The following EPSTI1 variants were observed in gnomAD, a reference collection of about 807,000 sequenced individuals.
The protein encoded by EPSTI1 is epithelial stromal interaction 1, also known as epithelial-stromal interaction protein 1.
Under a neutral mutation model 49.9 loss-of-function variants are expected in EPSTI1, and 66 were observed. The observed-to-expected ratio is 1.32, with a 90% CI of 1.08 to 1.62. The LOEUF (loss-of-function observed/expected upper bound fraction) is 1.62. EPSTI1 is among the 40% of genes most tolerant of loss of function. The pLI, the probability that EPSTI1 is intolerant of heterozygous loss-of-function variation, is 0.00. For synonymous variants in EPSTI1, 137 were observed against 130.7 expected (o/e 1.05, Z -0.33); for missense variants, 394 against 365.5 (o/e 1.08, Z -0.64).
intron 8 of EPSTI1, among the ~76,000 whole-genome samples, chr13:42,901,692 A>G (rs2037357011): frequency 1.3e-5 from 2 of 152,068 alleles, no homozygotes; most frequent in African/African-American, 4.8e-5. Flanking sequence ...CTCCACAATC[A>G]TTTTCAATTC....
intron 8 of EPSTI1, among the ~76,000 whole-genome samples, chr13:42,913,599 T>C (rs529798414): frequency 8.3e-4 from 127 of 152,322 alleles, no homozygotes; most frequent in African/African-American, 3.0e-3. Flanking sequence ...GTTAGACCAC[T>C]TTGGGAATAA....
chr13:42,956,495 A>C (rs1027974371), intron 5 of EPSTI1, among the ~76,000 whole-genome samples: 2 of 152,220 alleles, frequency 1.3e-5, no homozygotes, highest in African/African-American at 4.8e-5. Context: ...ATGGGGTCCC[A>C]GCAGGCAGGA....
intron 6 of EPSTI1, among the ~76,000 whole-genome samples, chr13:42,932,939 C>T (rs2038426561): frequency 6.6e-6 from 1 of 152,032 alleles, no homozygotes; most frequent in African/African-American, 2.4e-5. Context: ...TCAAACAAAC[C>T]CAAACTGGGG....
At chr13:42,889,236 G>A (rs1018835676) in intron 10 of EPSTI1, 1 of 1,555,136 alleles carries the variant, frequency 6.4e-7, no homozygotes, top group Non-Finnish European at 8.7e-7. Context: ...AAAACTAATA[G>A]AGAACCCTAG....
intron 9 of EPSTI1, among the ~76,000 whole-genome samples, chr13:42,898,110 C>A (rs1425505707): frequency 6.6e-6 from 1 of 152,178 alleles, no homozygotes; most frequent in Non-Finnish European, 1.5e-5. Context: ...GGTGCAGGTG[C>A]ACTCAAGCTC....
chr13:42,966,766 G>A (rs1472124514), intron 3 of EPSTI1, among the ~76,000 whole-genome samples: 1 of 89,776 alleles, frequency 1.1e-5, no homozygotes, highest in Non-Finnish European at 2.5e-5. Flanking sequence ...CCACCACCCC[G>A]TCTGGGAGGT....
intron 6 of EPSTI1, among the ~76,000 whole-genome samples, chr13:42,946,930 C>G (rs767314281): frequency 3.3e-5 from 5 of 152,162 alleles, no homozygotes; most frequent in Non-Finnish European, 7.4e-5. Flanking sequence ...CCAAAACCAT[C>G]CCCCTTGCCC....
intron 6 of EPSTI1, among the ~76,000 whole-genome samples, chr13:42,939,432 C>CATTTTAA (rs773575113): frequency 6.6e-6 from 1 of 151,936 alleles, no homozygotes; most frequent in Admixed American, 6.5e-5. Flanking sequence ...AAATGAGAGA[C>CATTTTAA]ATGTGATATT....
chr13:42,986,912 A>G (rs1157013854), intron 1 of EPSTI1, among the ~76,000 whole-genome samples: 1 of 152,104 alleles, frequency 6.6e-6, no homozygotes. Context: ...GGGGTCTTCC[A>G]GGTTGGCGAA....
intron 1 of EPSTI1, among the ~76,000 whole-genome samples, chr13:42,985,365 T>A (rs1373144161): frequency 6.6e-6 from 1 of 152,232 alleles, no homozygotes; most frequent in East Asian, 1.9e-4. Flanking sequence ...GCTAGGCAGA[T>A]GTCCTTGCAG....
At chr13:42,904,447 C>G (rs1273056254) in intron 8 of EPSTI1, among the ~76,000 whole-genome samples, 1 of 152,154 alleles carries the variant, frequency 6.6e-6, no homozygotes, top group African/African-American at 2.4e-5. Context: ...AGAAAACACT[C>G]TGGTATAGCA....
At chr13:42,969,231 C>A in intron 2 of EPSTI1, 54 bp from the exon 3 acceptor site, 1 of 1,546,612 alleles carries the variant, frequency 6.5e-7, no homozygotes, top group Non-Finnish European at 8.9e-7. Context: ...TAAAAGAAAA[C>A]CAGTCCCTTC....
intron 1 of EPSTI1, among the ~76,000 whole-genome samples, chr13:42,987,013 C>T (rs1163236478): frequency 6.6e-6 from 1 of 152,138 alleles, no homozygotes; most frequent in Non-Finnish European, 1.5e-5. Context: ...GCATCTCTTC[C>T]ACTTGACTGA....
rs140126141 is a variant in EPSTI1, at chr13:42,956,124, C to A, written c.490-2103G>T. 4.3e-3 allele frequency among the ~76,000 whole-genome samples: 660 copies of A among 152,174 alleles called. 5 individuals carry two copies. The highest frequency in any genetic ancestry group is 0.015 in the African/African-American group (618 of 41,516). ...CAGTTTGCAAATAACAGTAAGAATG[C>A]AGAAAAAGCACTTATATGGATTGTC... On this transcript the variant is annotated intron_variant, in intron 5 of 10. Transcript: ENST00000313624.
rs1566094979 is a variant in EPSTI1 at position 42,895,070 on chromosome 13, C to G, written c.854G>C (p.Ser285Thr). 6.2e-7 allele frequency: 1 copy of G among 1,613,622 alleles called. No individual in the cohort carries two copies. The highest frequency in any genetic ancestry group is 1.1e-5 in the South Asian group (1 of 90,938). ...AGATTGCTCGAGGCCACCTGGTTGA[C>G]TTTTGCCTTGGAGTCGGTCCAGAAA... ...NAFLDRLQGK[S>T]QPGGLEQSGG... is the part of the protein sequence containing the mutation. Residue 285 changes from serine (S) to threonine (T), a missense_variant, in exon 10 of 11, where the codon AGT (serine) becomes ACT (threonine). Ser to Thr is a moderately conservative substitution (Grantham distance 58). Transcript: ENST00000313624.
chr13:42,923,741 T>C (rs1223688148), intron 7 of EPSTI1, among the ~76,000 whole-genome samples: 1 of 152,180 alleles, frequency 6.6e-6, no homozygotes, highest in Admixed American at 6.5e-5. Context: ...CCTGTAAATA[T>C]CTCTTGTCTG....
chr13:42,962,540 C>G (rs988941415), intron 5 of EPSTI1, among the ~76,000 whole-genome samples: 10 of 150,926 alleles, frequency 6.6e-5, no homozygotes, highest in African/African-American at 2.2e-4. Context: ...GAGGCCAAGG[C>G]AGGTGGATCC....
chr13:42,931,264 G>A (rs1040097589), intron 6 of EPSTI1, among the ~76,000 whole-genome samples: 7 of 144,872 alleles, frequency 4.8e-5, no homozygotes, highest in Non-Finnish European at 9.0e-5. Context: ...GGACTGCAGT[G>A]GCGCAATCTC....
chr13:42,932,125 G>A (rs1293386261), intron 6 of EPSTI1, among the ~76,000 whole-genome samples: 1 of 86,894 alleles, frequency 1.2e-5, no homozygotes, highest in Non-Finnish European at 2.8e-5. Flanking sequence ...TAGAGGTGGG[G>A]TCTTGCTGTG....
Sources: gnomAD v4.1 joint callset for allele counts (sites outside exome capture counted in the v4.1 genomes callset) on GRCh38, gnomAD v4.1.1 for gene constraint, MANE v1.5 for transcripts, NCBI Gene and HGNC (gene_info 2026-07-23, HGNC 2026-07-21) for gene names.